The following ANO10 variants were observed in gnomAD, a reference collection of about 807,000 sequenced individuals.
The protein encoded by ANO10 is anoctamin-10.
In ANO10, 77 loss-of-function variants were observed where a neutral mutation model predicts 74.7. That is an observed-to-expected ratio of 1.03 (90% CI 0.86 to 1.25). The LOEUF is 1.25. Ranked by LOEUF, ANO10 falls within the 50% of genes most tolerant of loss-of-function variation. The probability of loss-of-function intolerance (pLI) is 0.00; values close to 1 mark genes in which losing one functional copy is unlikely to be tolerated. For missense variants in ANO10, 721 were observed against 778.1 expected (o/e 0.93, Z 0.87); for synonymous variants, 279 against 284.9 (o/e 0.98, Z 0.21).
intron 11 of ANO10, among the ~76,000 whole-genome samples, chr3:43,519,124 G>A (rs2077838573): frequency 6.6e-6 from 1 of 151,962 alleles, no homozygotes; most frequent in East Asian, 1.9e-4. Context: ...TTATTTCTCA[G>A]ACCAGCCAAC....
chr3:43,423,773 C>T (rs1256307135), intron 12 of ANO10, among the ~76,000 whole-genome samples: 13 of 152,014 alleles, frequency 8.6e-5, no homozygotes, highest in African/African-American at 2.7e-4. Flanking sequence ...GCTAACAGAC[C>T]CTACCGTGGA....
intron 8 of ANO10, 93 bp downstream of exon 8, chr3:43,565,560 G>T: frequency 1.0e-6 from 1 of 1,000,384 alleles, no homozygotes; most frequent in Non-Finnish European, 1.5e-6. Flanking sequence ...GATTTTATTT[G>T]TAAAAATAAT....
At chr3:43,559,510 C>A (rs1286632571) in intron 9 of ANO10, among the ~76,000 whole-genome samples, 2 of 152,076 alleles carry the variant, frequency 1.3e-5, no homozygotes, top group East Asian at 3.9e-4. Flanking sequence ...ATAAAAACAG[C>A]AGAAGATGTG....
intron 1 of ANO10, among the ~76,000 whole-genome samples, chr3:43,619,091 A>G (rs113735801): frequency 0.11 from 16,213 of 152,296 alleles, 1,476 homozygotes; most frequent in African/African-American, 0.25. Flanking sequence ...GGCGTGAGCC[A>G]CCGTGCCCAG....
intron 11 of ANO10, among the ~76,000 whole-genome samples, chr3:43,456,516 G>C (rs756621733): frequency 2.0e-5 from 3 of 152,188 alleles, no homozygotes; most frequent in Non-Finnish European, 4.4e-5. Flanking sequence ...GGTGTATTCA[G>C]AAGATGGATA....
intron 1 of ANO10, among the ~76,000 whole-genome samples, chr3:43,633,553 T>C (rs1033081609): frequency 6.6e-6 from 1 of 152,230 alleles, no homozygotes; most frequent in Non-Finnish European, 1.5e-5. Context: ...AATTCCTCTA[T>C]GAAATTACTC....
At chr3:43,457,529 A>G (rs1159967477) in intron 11 of ANO10, among the ~76,000 whole-genome samples, 1 of 152,206 alleles carries the variant, frequency 6.6e-6, no homozygotes, top group East Asian at 1.9e-4. Context: ...ACTCACTATC[A>G]TGAGAACAGT....
At chr3:43,621,187 T>C (rs1362058759) in intron 1 of ANO10, among the ~76,000 whole-genome samples, 1 of 152,144 alleles carries the variant, frequency 6.6e-6, no homozygotes, top group Non-Finnish European at 1.5e-5. Flanking sequence ...TATAAGGTTT[T>C]ACAGAAGGCA....
intron 10 of ANO10, among the ~76,000 whole-genome samples, chr3:43,550,477 T>A (rs957773954): frequency 4.6e-5 from 7 of 152,312 alleles, no homozygotes; most frequent in African/African-American, 1.7e-4. Context: ...GTTGTGACCA[T>A]TGCTCTTTTT....
chr3:43,458,850 T>A (rs1432060285), intron 11 of ANO10, among the ~76,000 whole-genome samples: 1 of 152,278 alleles, frequency 6.6e-6, no homozygotes, highest in East Asian at 1.9e-4. Flanking sequence ...GATATTCCCC[T>A]CCCTGTGTCC....
chr3:43,552,707 T>G (rs1459010165), intron 10 of ANO10, among the ~76,000 whole-genome samples: 5 of 112,726 alleles, frequency 4.4e-5, no homozygotes, highest in African/African-American at 1.9e-4. Flanking sequence ...GATATATATA[T>G]ATATATATAT....
rs746207433 is a variant in ANO10 at position 43,549,801 on chromosome 3, C to A, written c.1716G>T (p.Ala572=). Residue 572 remains alanine (A), a synonymous_variant, in exon 11 of 13, where the codon GCG becomes GCT. Transcript: ENST00000292246. ...MSVISVVTNC[A]LIGMSPQVNA... ...TCACTTGTGGTGACATTCCAATCAG[C>A]GCACAGTTAGTGACCACAGATATAA... is the stretch of plus-strand genomic sequence containing the variant. 6.2e-7 allele frequency: 1 copy of A among 1,613,872 alleles called. No individual in the cohort carries two copies.
intron 11 of ANO10, among the ~76,000 whole-genome samples, chr3:43,486,197 C>G (rs1343682909): frequency 1.3e-5 from 2 of 152,212 alleles, no homozygotes; most frequent in Non-Finnish European, 2.9e-5. Flanking sequence ...TCTCTGAGGG[C>G]CTCTAGCTAT....
At chr3:43,684,312 C>CA (rs1237385229) in intron 1 of ANO10, among the ~76,000 whole-genome samples, 2 of 152,078 alleles carry the variant, frequency 1.3e-5, no homozygotes, top group Non-Finnish European at 2.9e-5. Flanking sequence ...TTTATGCAGC[C>CA]AAAAGACACA....
At chr3:43,444,686 T>C (rs941030143) in intron 11 of ANO10, among the ~76,000 whole-genome samples, 3 of 152,154 alleles carry the variant, frequency 2.0e-5, no homozygotes, top group African/African-American at 7.2e-5. Flanking sequence ...TGGGTGGCTC[T>C]ACAACAGTGC....
chr3:43,589,065 A>C (rs1281334999), intron 4 of ANO10, among the ~76,000 whole-genome samples: 1 of 152,234 alleles, frequency 6.6e-6, no homozygotes, highest in Non-Finnish European at 1.5e-5. Flanking sequence ...TGTCATATGA[A>C]TACTGATGCA....
chr3:43,658,201 A>G (rs967252363), intron 1 of ANO10, among the ~76,000 whole-genome samples: 1 of 147,540 alleles, frequency 6.8e-6, no homozygotes, highest in Admixed American at 6.7e-5. Context: ...ATCAAAATTT[A>G]TGTATCTTAA....
At chr3:43,690,654 G>T in intron 1 of ANO10, 1 of 295,550 alleles carries the variant, frequency 3.4e-6, no homozygotes, top group Non-Finnish European at 6.3e-6. Context: ...AACACCGACG[G>T]GGTGATGCAT....
At chr3:43,617,332 A>G (rs1019602452) in intron 1 of ANO10, among the ~76,000 whole-genome samples, 1 of 151,970 alleles carries the variant, frequency 6.6e-6, no homozygotes, top group African/African-American at 2.4e-5. Flanking sequence ...TCTGTATTGC[A>G]GCCAATATCC....
Sources: allele counts gnomAD v4.1 joint callset (sites outside exome capture counted in the v4.1 genomes callset), GRCh38; gene constraint gnomAD v4.1.1; transcripts MANE v1.5; gene names NCBI Gene and HGNC (gene_info 2026-07-23, HGNC 2026-07-21).